Variants in GATAD2B observed in about 807,000 individuals in gnomAD.
GATAD2B encodes GATA zinc finger domain containing 2B.
GATAD2B carries 8 observed loss-of-function variants against 64.3 expected under a neutral mutation model. The ratio of observed to expected loss-of-function variants is 0.12; its 90% CI spans 0.07 to 0.22. The LOEUF (loss-of-function observed/expected upper bound fraction) is 0.22. Among genes scored for constraint, GATAD2B ranks in the 10% least tolerant of loss-of-function variants. The probability of loss-of-function intolerance (pLI) is 1.00; values close to 1 mark genes in which losing one functional copy is unlikely to be tolerated. For missense variants in GATAD2B, 453 were observed against 752.0 expected (o/e 0.60, Z 4.65); for synonymous variants, 281 against 271.3 (o/e 1.04, Z -0.35).
At chr1:153,898,392 T>C (rs921529824) in intron 1 of GATAD2B, among the ~76,000 whole-genome samples, 1 of 145,694 alleles carries the variant, frequency 6.9e-6, no homozygotes, top group South Asian at 2.2e-4. Flanking sequence ...ACTACAAAAA[T>C]ACCAATCCCA....
chr1:153,839,264 T>C (rs1675390363), intron 1 of GATAD2B, among the ~76,000 whole-genome samples: 1 of 152,148 alleles, frequency 6.6e-6, no homozygotes, highest in Non-Finnish European at 1.5e-5. Flanking sequence ...ACATTCATGC[T>C]TGTAAAGTTT....
rs1051866013 is a variant in GATAD2B at position 153,809,358 on chromosome 1, G to A, written c.*819C>T. 2 of 152,256 alleles carry A rather than the reference G, an allele frequency of 1.3e-5. No homozygotes were observed. Among genetic ancestry groups the A allele is most frequent in the African/African-American group, 4.8e-5 (2 of 41,430 alleles). 9.4% of individuals were successfully genotyped at this position (152,256 alleles called of 1,614,324 possible). ...CCAAGATACAGAAAGGCAGGACCTAGTTTCAATCCTCCCTGGCTCATAATT... is the reference window on the plus strand; with the variant it reads ...CCAAGATACAGAAAGGCAGGACCTAATTTCAATCCTCCCTGGCTCATAATT... On this transcript the variant is annotated 3_prime_UTR_variant, in exon 11 of 11. Coordinates refer to ENST00000368655, the MANE Select transcript of GATAD2B (RefSeq NM_020699.4).
At position 153,809,766 on chromosome 1, in the gene GATAD2B, G is replaced by A. The variant is rs1674230713; in HGVS notation, c.*411C>T. On this transcript the variant is annotated 3_prime_UTR_variant, in exon 11 of 11. Transcript: ENST00000368655. ...GAAAAAGAAAAAGATTGGTTGAGTGGGGGAAGGTTTAACCGTCCACTGAAC... is the reference window on the plus strand; with the variant it reads ...GAAAAAGAAAAAGATTGGTTGAGTGAGGGAAGGTTTAACCGTCCACTGAAC... 6.5e-6 allele frequency: 1 copy of A among 154,918 alleles called. No homozygotes were observed. Among genetic ancestry groups the A allele is most frequent in the African/African-American group, 2.4e-5 (1 of 41,372 alleles). The allele number at this position is 154,918 out of a possible 1,614,324, so 9.6% of individuals were successfully genotyped here.
At chr1:153,834,295 G>A (rs938280789) in intron 1 of GATAD2B, among the ~76,000 whole-genome samples, 2 of 150,678 alleles carry the variant, frequency 1.3e-5, no homozygotes, top group African/African-American at 4.9e-5. Context: ...TGACCACCAC[G>A]CCCAGCCAAG....
chr1:153,884,572 A>G (rs1237909534), intron 1 of GATAD2B, among the ~76,000 whole-genome samples: 1 of 152,192 alleles, frequency 6.6e-6, no homozygotes, highest in Non-Finnish European at 1.5e-5. Context: ...ACTGCACTCC[A>G]GCCTGGGGGA....
intron 1 of GATAD2B, among the ~76,000 whole-genome samples, chr1:153,898,438 A>C (rs1372391338): frequency 2.0e-5 from 3 of 152,144 alleles, no homozygotes; most frequent in Non-Finnish European, 2.9e-5. Context: ...AAAAGATTCC[A>C]ATCTTGGCTG....
Position 153,816,524 on chromosome 1 carries a change from G to A in GATAD2B, c.965C>T (p.Ser322Phe). The A allele has an allele frequency of 6.2e-7, 1 of 1,613,474 alleles. No homozygotes were observed. The highest frequency in any genetic ancestry group is 8.5e-7 in the Non-Finnish European group (1 of 1,179,342). Residue 322 changes from serine to phenylalanine, a missense_variant, in exon 7 of 11, where the codon TCT becomes TTT. Ser to Phe is a radical substitution (Grantham distance 155). This residue lies in a region of GATAD2B where 293 missense variants were observed against 417.2 expected (regional missense o/e 0.70). Coordinates refer to ENST00000368655, the MANE Select transcript of GATAD2B (RefSeq NM_020699.4). The surrounding 1 kb of genome is among the most constrained non-coding windows in gnomAD (Gnocchi z 4.9). Reference protein sequence around the residue: ...TSSAIYMNLASHIQPGTVNRV... With the variant: ...TSSAIYMNLAFHIQPGTVNRV... ...GTTCACCGTCCCTGGCTGGATATGA[G>A]AAGCAAGGTTCATATAGATGGCAGA...
At chr1:153,873,009 A>G (rs972349676) in intron 1 of GATAD2B, among the ~76,000 whole-genome samples, 5 of 119,712 alleles carry the variant, frequency 4.2e-5, no homozygotes. Context: ...CTGCATGACA[A>G]TAAAGAACAC....
At chr1:153,843,522 G>A (rs1170147040) in intron 1 of GATAD2B, among the ~76,000 whole-genome samples, 1 of 152,034 alleles carries the variant, frequency 6.6e-6, no homozygotes, top group Non-Finnish European at 1.5e-5. Context: ...CGATCCTCCT[G>A]CCTTGGCTTC....
chr1:153,873,185 T>G (rs1383055557), intron 1 of GATAD2B, among the ~76,000 whole-genome samples: 5 of 152,268 alleles, frequency 3.3e-5, no homozygotes, highest in Non-Finnish European at 7.4e-5. Context: ...AAGGAGTCTA[T>G]TCTCTAGGAT....
intron 1 of GATAD2B, among the ~76,000 whole-genome samples, chr1:153,906,719 C>G (rs1007308543): frequency 6.6e-6 from 1 of 151,988 alleles, no homozygotes; most frequent in South Asian, 2.1e-4. Flanking sequence ...AAAGGGCAAC[C>G]CACTGAATGA....
intron 1 of GATAD2B, among the ~76,000 whole-genome samples, chr1:153,871,872 C>A (rs990233900): frequency 1.3e-5 from 2 of 152,086 alleles, no homozygotes; most frequent in Non-Finnish European, 2.9e-5. Flanking sequence ...ATCACTTGAA[C>A]CCAGTAGGTC....
intron 1 of GATAD2B, among the ~76,000 whole-genome samples, chr1:153,905,573 AAAG>A (rs1195868855): frequency 6.6e-6 from 1 of 150,978 alleles, no homozygotes; most frequent in South Asian, 2.1e-4. Flanking sequence ...AAAAAAAAAA[AAAG>A]AACAAAGTCA....
intron 2 of GATAD2B, among the ~76,000 whole-genome samples, chr1:153,821,891 A>G (rs1674697623): frequency 6.6e-6 from 1 of 151,680 alleles, no homozygotes; most frequent in Admixed American, 6.6e-5. Flanking sequence ...AGCGTGATTT[A>G]CTTCTCATTT....
intron 3 of GATAD2B, 78 bp from the exon 4 acceptor site, chr1:153,819,000 T>C (rs1490325530): frequency 1.4e-6 from 2 of 1,442,038 alleles, no homozygotes; most frequent in Admixed American, 3.7e-5. Context: ...TCTTTACTTC[T>C]TAGCTCTGAA....
Position 153,806,443 on chromosome 1 carries a change from G to A in GATAD2B, c.*3734C>T, listed in dbSNP as rs1674114444. The stretch of plus-strand genomic sequence containing the variant: ...GGTTGGAGCAGCTGCCAGTCTCAGT[G>A]TGCTGGGCCCGGCCCACTCCCCTAC... On this transcript the variant is annotated 3_prime_UTR_variant, in exon 11 of 11. Transcript: ENST00000368655. The A allele has an allele frequency of 6.6e-6, 1 of 152,122 alleles. No homozygotes were observed. The highest frequency in any genetic ancestry group is 2.4e-5 in the African/African-American group (1 of 41,378). 9.4% of individuals were successfully genotyped at this position (152,122 alleles called of 1,614,324 possible). A position where few individuals can be genotyped will look rare whatever the true frequency, so the allele number is the denominator to read the frequency against.
Position 153,892,721 on chromosome 1 carries a change from G to C in GATAD2B, c.-2+30012C>G, listed in dbSNP as rs2101951388. 3.3e-5 allele frequency among the ~76,000 whole-genome samples: 4 copies of C among 120,122 alleles called. No homozygotes were observed. In the East Asian group the frequency reaches 9.3e-4, roughly 28 times the overall value. 78.8% of individuals were successfully genotyped at this position (120,122 alleles called of 152,430 possible). A position where few individuals can be genotyped will look rare whatever the true frequency, so the allele number is the denominator to read the frequency against. On this transcript the variant is annotated intron_variant, in intron 1 of 10. Coordinates refer to ENST00000368655, the MANE Select transcript of GATAD2B (RefSeq NM_020699.4). ...TTTTTTTTTTTTTTTTTTTGAGACA[G>C]TCTCCCTGTGTCACCCAGGCTGGAG...
intron 1 of GATAD2B, among the ~76,000 whole-genome samples, chr1:153,867,096 T>A (rs540685645): frequency 2.6e-5 from 4 of 152,028 alleles, no homozygotes; most frequent in African/African-American, 9.7e-5. Context: ...TACCATTTTA[T>A]AGGATTACCT....
intron 1 of GATAD2B, among the ~76,000 whole-genome samples, chr1:153,892,163 CAAAAAAAAAAAAA>C (rs900308080): frequency 9.9e-5 from 5 of 50,318 alleles, no homozygotes; most frequent in African/African-American, 3.9e-4. Flanking sequence ...GACTCCGTCT[CAAAAAAAAAAAAA>C]AAAAAAAAAG....
Sources: gnomAD v4.1 joint callset for allele counts (sites outside exome capture counted in the v4.1 genomes callset) on GRCh38, gnomAD v4.1.1 for gene constraint, gnomAD v4.1.1 regional missense constraint, Gnocchi (gnomAD v3.1) non-coding constraint, MANE v1.5 for transcripts, NCBI Gene and HGNC (gene_info 2026-07-23, HGNC 2026-07-21) for gene names.